The following PLCB1 variants were observed in gnomAD, a reference collection of about 807,000 sequenced individuals.
The protein encoded by PLCB1 is 1-phosphatidylinositol 4,5-bisphosphate phosphodiesterase beta-1.
PLCB1 carries 46 observed loss-of-function variants against 161.8 expected under a neutral mutation model. The observed-to-expected ratio is 0.28, with a 90% CI of 0.22 to 0.36. The LOEUF is 0.36. Among genes scored for constraint, PLCB1 ranks in the 10% least tolerant of loss-of-function variants. The probability of loss-of-function intolerance (pLI) is 1.00; values close to 1 mark genes in which losing one functional copy is unlikely to be tolerated. For synonymous variants in PLCB1, 517 were observed against 503.7 expected, an observed-to-expected ratio of 1.03 and a Z score of -0.35; for missense variants, 1,016 against 1,472.5, an observed-to-expected ratio of 0.69 and a Z score of 5.07.
chr20:8,517,311 C>T (rs113000583), intron 3 of PLCB1, among the ~76,000 whole-genome samples: 17 of 152,224 alleles, frequency 1.1e-4, no homozygotes, highest in African/African-American at 4.1e-4. Flanking sequence ...CTCTGAGAGG[C>T]GTCGTCTACA....
chr20:8,192,407 A>G (rs1206895405), intron 2 of PLCB1, among the ~76,000 whole-genome samples: 2 of 152,034 alleles, frequency 1.3e-5, no homozygotes, highest in African/African-American at 2.4e-5. Context: ...AAAGAACAAC[A>G]TAAAGGACAG....
chr20:8,710,976 T>G (rs1978982158), intron 12 of PLCB1, among the ~76,000 whole-genome samples: 1 of 152,174 alleles, frequency 6.6e-6, no homozygotes, highest in Non-Finnish European at 1.5e-5. Flanking sequence ...TATTAAACAT[T>G]TTTTGTGCCA....
At position 8,509,729 on chromosome 20, in the gene PLCB1, CATAGATAGATAGATAGATAG is replaced by C. The variant is rs11468649; in HGVS notation, c.247-118528_247-118509del. 5.9e-3 allele frequency among the ~76,000 whole-genome samples: 872 copies of C among 148,030 alleles called. 15 individuals carry two copies. The highest frequency in any genetic ancestry group is 0.019 in the African/African-American group (762 of 39,980). On this transcript the variant is annotated intron_variant, in intron 3 of 31. Transcript: ENST00000338037. ...ATGATTGATAAAGAGATAGGCAGAT[CATAGATAGATAGATAGATAG>C]ATAGATAGATAGATAGATAGATAGA...
chr20:8,837,535 G>T (rs1177386779), intron 31 of PLCB1, among the ~76,000 whole-genome samples: 1 of 152,154 alleles, frequency 6.6e-6, no homozygotes, highest in African/African-American at 2.4e-5. Flanking sequence ...TAGTCAGTTG[G>T]CTGAAACATG....
chr20:8,242,810 A>G (rs1254414168), intron 2 of PLCB1, among the ~76,000 whole-genome samples: 2 of 152,038 alleles, frequency 1.3e-5, no homozygotes, highest in East Asian at 3.9e-4. Flanking sequence ...AAGGAGGAGG[A>G]ACCTGAATGT....
chr20:8,533,482 A>C (rs1314408736), intron 3 of PLCB1, among the ~76,000 whole-genome samples: 1 of 152,118 alleles, frequency 6.6e-6, no homozygotes, highest in African/African-American at 2.4e-5. Context: ...TCCCACCAAC[A>C]GTGTAAAAAT....
At chr20:8,468,637 T>C (rs1304565135) in intron 3 of PLCB1, among the ~76,000 whole-genome samples, 1 of 152,196 alleles carries the variant, frequency 6.6e-6, no homozygotes, top group African/African-American at 2.4e-5. Flanking sequence ...CATCCTGCTG[T>C]TTAGACAGAT....
chr20:8,512,046 A>G (rs1051522915), intron 3 of PLCB1, among the ~76,000 whole-genome samples: 1 of 152,162 alleles, frequency 6.6e-6, no homozygotes, highest in Non-Finnish European at 1.5e-5. Flanking sequence ...CACAAGCAGG[A>G]AAAGCTTTTG....
intron 2 of PLCB1, among the ~76,000 whole-genome samples, chr20:8,313,012 A>C (rs1243125924): frequency 6.6e-6 from 1 of 152,146 alleles, no homozygotes. Flanking sequence ...GTATTTAATA[A>C]AATGTGAAAG....
intron 2 of PLCB1, among the ~76,000 whole-genome samples, chr20:8,298,358 A>G (rs1397523166): frequency 6.6e-6 from 1 of 151,904 alleles, no homozygotes; most frequent in Non-Finnish European, 1.5e-5. Flanking sequence ...TCTGCACCAC[A>G]AGAGACAAGA....
Position 8,473,562 on chromosome 20 carries a change from C to T in PLCB1, c.246+102112C>T, listed in dbSNP as rs950812473. Among the ~76,000 whole-genome samples, 27 of 152,062 alleles carry T rather than the reference C, an allele frequency of 1.8e-4. 1 individual carries two copies. The highest frequency in any genetic ancestry group is 1.5e-4 in the Non-Finnish European group (10 of 68,014). On this transcript the variant is annotated intron_variant, in intron 3 of 31. Coordinates refer to ENST00000338037, the MANE Select transcript of PLCB1 (RefSeq NM_015192.4). ...AGCAAGAAAATTGATTTTGACAATC[C>T]AGCCTTGTTAGTTATCATTTCAACA...
chr20:8,663,524 G>A (rs901728338), intron 9 of PLCB1, among the ~76,000 whole-genome samples: 1 of 152,022 alleles, frequency 6.6e-6, no homozygotes, highest in Non-Finnish European at 1.5e-5. Flanking sequence ...ATCTTCTGAG[G>A]ACCTGCTGTA....
intron 2 of PLCB1, among the ~76,000 whole-genome samples, chr20:8,218,500 A>G (rs1979247579): frequency 1.3e-5 from 2 of 152,160 alleles, no homozygotes; most frequent in African/African-American, 4.8e-5. Context: ...GCTTCGGGCC[A>G]GTGATTTAAT....
intron 4 of PLCB1, among the ~76,000 whole-genome samples, chr20:8,645,667 C>T (rs1989150135): frequency 6.6e-6 from 1 of 152,146 alleles, no homozygotes; most frequent in South Asian, 2.1e-4. Context: ...CTGTAGTTAA[C>T]AGTTAAAGAT....
intron 3 of PLCB1, among the ~76,000 whole-genome samples, chr20:8,550,220 A>C (rs1369928411): frequency 1.3e-5 from 2 of 152,080 alleles, no homozygotes; most frequent in African/African-American, 4.8e-5. Context: ...GACTGTTGGA[A>C]GGGTATGATT....
intron 2 of PLCB1, among the ~76,000 whole-genome samples, chr20:8,198,585 A>G (rs1420835201): frequency 1.3e-5 from 2 of 152,212 alleles, no homozygotes; most frequent in South Asian, 4.1e-4. Flanking sequence ...TTTTTTTAAA[A>G]TAATCTCAGA....
rs772981786 is a variant in PLCB1, at chr20:8,733,357, G to A, written c.2008G>A (p.Val670Ile). Residue 670 changes from valine (V) to isoleucine (I), a missense_variant, in exon 19 of 32, where the codon GTA becomes ATA. Val to Ile is a conservative substitution (Grantham distance 29, BLOSUM62 3). Coordinates refer to ENST00000338037, the MANE Select transcript of PLCB1 (RefSeq NM_015192.4). ...TTTTGATCCATTTACTGAAGGCATCGTAGATGGGATAGTGGCAAACACTTT... is the reference window on the plus strand; with the variant it reads ...TTTTGATCCATTTACTGAAGGCATCATAGATGGGATAGTGGCAAACACTTT... ...KHFDPFTEGI[V>I]DGIVANTLSV... The A allele has an allele frequency of 7.4e-6, 12 of 1,613,996 alleles. No homozygotes were observed. The highest frequency in any genetic ancestry group is 1.1e-5 in the South Asian group (1 of 91,074).
Position 8,844,751 on chromosome 20 carries a change from C to T in PLCB1, c.3424-36871C>T, listed in dbSNP as rs550768492. ...AATTCTAGTACACTTTTCCCATAAT[C>T]CAATAGATCATCTTTCCTTTTATCC... On this transcript the variant is annotated intron_variant, in intron 31 of 31. Coordinates refer to ENST00000338037, the MANE Select transcript of PLCB1 (RefSeq NM_015192.4). Among the ~76,000 whole-genome samples the T allele has an allele frequency of 3.3e-5, 5 of 152,208 alleles. No individual in the cohort carries two copies. In the South Asian group the frequency reaches 1.0e-3, roughly 32 times the overall value.
Position 8,839,735 on chromosome 20 carries a change from T to TAAAAA in PLCB1, c.3424-41874_3424-41870dup, listed in dbSNP as rs71331333. Among the ~76,000 whole-genome samples the TAAAAA allele has an allele frequency of 1.4e-4, 15 of 108,874 alleles. No homozygotes were observed. The East Asian group carries it at 2.0e-3, about 14-fold the overall frequency. 71.4% of individuals were successfully genotyped at this position (108,874 alleles called of 152,430 possible). On this transcript the variant is annotated intron_variant, in intron 31 of 31. Coordinates refer to ENST00000338037, the MANE Select transcript of PLCB1 (RefSeq NM_015192.4). ...AGTCACATTATTTTTTAGTAATTCT[T>TAAAAA]AAAAAAAAAAAAAAAAAGCCTTGGC...
Sources: gnomAD v4.1 joint callset for allele counts (sites outside exome capture counted in the v4.1 genomes callset) on GRCh38, gnomAD v4.1.1 for gene constraint, MANE v1.5 for transcripts, NCBI Gene and HGNC (gene_info 2026-07-23, HGNC 2026-07-21) for gene names.